The following CNOT6L variants were observed in gnomAD, a reference collection of about 807,000 sequenced individuals.
The protein encoded by CNOT6L is CCR4-NOT transcription complex subunit 6 like.
Under a neutral mutation model 64.0 loss-of-function variants are expected in CNOT6L, and 7 were observed. The ratio of observed to expected loss-of-function variants is 0.11; its 90% confidence interval spans 0.06 to 0.21. The LOEUF is 0.21. Among genes scored for constraint, CNOT6L ranks in the 10% least tolerant of loss-of-function variants. The pLI is 1.00. For missense variants in CNOT6L, 245 were observed against 669.0 expected (o/e 0.37, Z 6.99); for synonymous variants, 193 against 243.4 (o/e 0.79, Z 1.93).
At chr4:77,755,612 C>A (rs1204544130) in intron 5 of CNOT6L, among the ~76,000 whole-genome samples, 1 of 152,086 alleles carries the variant, frequency 6.6e-6, no homozygotes, top group Admixed American at 6.5e-5. Context: ...ACTAAGAACG[C>A]CTCTATAATA....
intron 11 of CNOT6L, among the ~76,000 whole-genome samples, chr4:77,722,577 T>G (rs760806014): frequency 6.6e-6 from 1 of 152,106 alleles, no homozygotes; most frequent in Non-Finnish European, 1.5e-5. Context: ...CTTATTAGAG[T>G]GCCGTCATGC....
intron 6 of CNOT6L, 52 bp from the exon 7 acceptor site, chr4:77,744,927 T>C: frequency 6.6e-7 from 1 of 1,507,618 alleles, no homozygotes; most frequent in Non-Finnish European, 9.0e-7. Context: ...TTAGGCAACT[T>C]TTTCTAAAGC....
At chr4:77,773,013 C>A (rs1162203032) in intron 4 of CNOT6L, 68 bp downstream of exon 4, 1 of 920,330 alleles carries the variant, frequency 1.1e-6, no homozygotes, top group Non-Finnish European at 1.7e-6. Context: ...TAAAACTTGA[C>A]CTTTTTAAAG....
At chr4:77,804,517 C>G (rs1236858789) in intron 1 of CNOT6L, among the ~76,000 whole-genome samples, 1 of 151,380 alleles carries the variant, frequency 6.6e-6, no homozygotes, top group Non-Finnish European at 1.5e-5. Context: ...CAGACACAGT[C>G]ACATATTATA....
chr4:77,795,866 T>G (rs1230858809), intron 1 of CNOT6L, among the ~76,000 whole-genome samples: 1 of 152,240 alleles, frequency 6.6e-6, no homozygotes, highest in Non-Finnish European at 1.5e-5. Context: ...CTTATATTCA[T>G]GGGTCAGAAG....
intron 2 of CNOT6L, among the ~76,000 whole-genome samples, 181 bp from the exon 3 acceptor site, chr4:77,774,897 T>C (rs978523669): frequency 6.6e-6 from 1 of 152,226 alleles, no homozygotes; most frequent in African/African-American, 2.4e-5. Flanking sequence ...CTCCTTTACG[T>C]TCATGCCACT....
chr4:77,716,877 G>C lies in CNOT6L; in HGVS notation c.*3554C>G, dbSNP rs976883925. ...GAATATCAGAAAAGTAATTTGAAAAGAAAGAGCTTGGAACAAGGCAAATGG... is the reference window on the plus strand; with the variant it reads ...GAATATCAGAAAAGTAATTTGAAAACAAAGAGCTTGGAACAAGGCAAATGG... On this transcript the variant is annotated 3_prime_UTR_variant, in exon 12 of 12. Coordinates refer to ENST00000504123, the MANE Select transcript of CNOT6L (RefSeq NM_144571.3). The C allele has an allele frequency of 6.6e-6, 1 of 152,520 alleles. No individual in the cohort carries two copies. Among genetic ancestry groups the C allele is most frequent in the Non-Finnish European group, 1.5e-5 (1 of 67,986 alleles). The allele number at this position is 152,520 out of a possible 1,614,324, so 9.4% of individuals were successfully genotyped here.
intron 4 of CNOT6L, among the ~76,000 whole-genome samples, chr4:77,768,473 AAATATAT>A: frequency 2.4e-4 from 1 of 4,216 alleles, no homozygotes; most frequent in African/African-American, 4.3e-4. Context: ...TAAAATAAAT[AAATATAT>A]ATATATATAT....
At chr4:77,812,513 A>G (rs756164822) in intron 1 of CNOT6L, among the ~76,000 whole-genome samples, 4 of 151,696 alleles carry the variant, frequency 2.6e-5, no homozygotes, top group Non-Finnish European at 5.9e-5. Flanking sequence ...AACAAACATA[A>G]ATCAAGTGTA....
At position 77,814,964 on chromosome 4, in the gene CNOT6L, G is replaced by A. The variant is rs142335233; in HGVS notation, c.5+4340C>T. 1.3e-3 allele frequency among the ~76,000 whole-genome samples: 191 copies of A among 152,268 alleles called. 3 individuals carry two copies. The East Asian group carries it at 0.035, about 28-fold the overall frequency. ...AGCATGAGCACAAATTAATAATTAAGCCTCTGTTGTTTACTTGATGATTTT... is the reference window on the plus strand; with the variant it reads ...AGCATGAGCACAAATTAATAATTAAACCTCTGTTGTTTACTTGATGATTTT... On this transcript the variant is annotated intron_variant, in intron 1 of 11. Transcript: ENST00000504123.
intron 1 of CNOT6L, among the ~76,000 whole-genome samples, chr4:77,779,695 T>C (rs1055802699): frequency 6.6e-6 from 1 of 152,198 alleles, no homozygotes; most frequent in Non-Finnish European, 1.5e-5. Context: ...GCGCAGTGGC[T>C]CACGCCTTGT....
intron 8 of CNOT6L, among the ~76,000 whole-genome samples, chr4:77,740,528 AAC>A (rs1723467262): frequency 6.6e-6 from 1 of 152,248 alleles, no homozygotes; most frequent in Admixed American, 6.5e-5. Flanking sequence ...CAGACTGTGT[AAC>A]TGGAACTAGT....
chr4:77,725,157 T>A (rs1721697168), intron 11 of CNOT6L, among the ~76,000 whole-genome samples: 1 of 152,210 alleles, frequency 6.6e-6, no homozygotes, highest in Admixed American at 6.5e-5. Flanking sequence ...CTAAGCAATT[T>A]TTTTTCTCTT....
chr4:77,767,114 T>TAAA (rs11392956), intron 4 of CNOT6L, among the ~76,000 whole-genome samples: 74 of 122,008 alleles, frequency 6.1e-4, no homozygotes, highest in African/African-American at 2.0e-3. Flanking sequence ...TGGTTTACAA[T>TAAA]AAAAAAAAAA....
chr4:77,728,110 G>A (rs77152659), intron 10 of CNOT6L, among the ~76,000 whole-genome samples: 5,045 of 152,262 alleles, frequency 0.033, 274 homozygotes, highest in African/African-American at 0.12. Context: ...AATGATAAAA[G>A]TTCAGACATA....
intron 1 of CNOT6L, among the ~76,000 whole-genome samples, chr4:77,795,085 T>C (rs1281898002): frequency 6.8e-6 from 1 of 147,978 alleles, no homozygotes; most frequent in East Asian, 2.0e-4. Flanking sequence ...AATGGCACCA[T>C]CTCGGCTCAC....
At chr4:77,723,692 C>T (rs930741576) in intron 11 of CNOT6L, among the ~76,000 whole-genome samples, 4 of 152,134 alleles carry the variant, frequency 2.6e-5, no homozygotes, top group Non-Finnish European at 5.9e-5. Context: ...TCTCTCCCAC[C>T]AACTTATACC....
intron 4 of CNOT6L, among the ~76,000 whole-genome samples, chr4:77,757,508 T>C (rs925643385): frequency 1.3e-5 from 2 of 152,156 alleles, no homozygotes; most frequent in African/African-American, 4.8e-5. Flanking sequence ...AGATTTATCA[T>C]ACATCAAAGA....
upstream of CNOT6L, chr4:77,819,485 C>T: frequency 7.4e-7 from 1 of 1,345,840 alleles, no homozygotes; most frequent in East Asian, 2.6e-5. Context: ...CCGCCCGCCC[C>T]GAGGGGAAGC....
Sources: gnomAD v4.1 joint callset for allele counts (sites outside exome capture counted in the v4.1 genomes callset) on GRCh38, gnomAD v4.1.1 for gene constraint, MANE v1.5 for transcripts, NCBI Gene and HGNC (gene_info 2026-07-23, HGNC 2026-07-21) for gene names.